Variants in CREB5 observed in about 807,000 individuals in gnomAD.
The protein encoded by CREB5 is cAMP responsive element binding protein 5, also known as cyclic AMP-responsive element-binding protein 5.
Under a neutral mutation model 57.1 loss-of-function variants are expected in CREB5, and 19 were observed. That is an observed-to-expected ratio of 0.33 (90% CI 0.23 to 0.49). The LOEUF (loss-of-function observed/expected upper bound fraction) is 0.49, where lower values mean the gene tolerates loss of function less well. Among genes scored for constraint, CREB5 ranks in the 20% least tolerant of loss-of-function variants. The pLI is 0.99. For missense variants in CREB5, 579 were observed against 671.6 expected (o/e 0.86, Z 1.52); for synonymous variants, 238 against 238.3 (o/e 1.00, Z 0.01).
chr7:28,497,744 T>C lies in CREB5; in HGVS notation c.169+2745T>C, dbSNP rs372359933. ...CATCCTGAATTATAATAGGCTATTG[T>C]GTTGGGTATTTTTACTTTGTTATTT... On this transcript the variant is annotated intron_variant, in intron 3 of 10. Coordinates refer to ENST00000357727, the MANE Select transcript of CREB5 (RefSeq NM_182898.4). 5.9e-5 allele frequency among the ~76,000 whole-genome samples: 9 copies of C among 152,298 alleles called. No homozygotes were observed. The East Asian group carries it at 1.7e-3, about 29-fold the overall frequency.
intron 1 of CREB5, among the ~76,000 whole-genome samples, chr7:28,438,842 T>C (rs1200404207): frequency 2.6e-5 from 4 of 152,208 alleles, no homozygotes; most frequent in Non-Finnish European, 5.9e-5. Context: ...TTACAACTAA[T>C]AAAATCGACC....
At chr7:28,592,602 G>A (rs1458258920) in intron 5 of CREB5, among the ~76,000 whole-genome samples, 4 of 152,132 alleles carry the variant, frequency 2.6e-5, no homozygotes, top group Non-Finnish European at 5.9e-5. Context: ...GGGCAGAGGC[G>A]CAGCACTAAG....
chr7:28,672,184 A>ACACACACAC (rs1439926301), intron 5 of CREB5, among the ~76,000 whole-genome samples: 70 of 139,214 alleles, frequency 5.0e-4, no homozygotes, highest in South Asian at 8.8e-4. Context: ...GGAAAAAAAA[A>ACACACACAC]AAAAACACAC....
intron 7 of CREB5, among the ~76,000 whole-genome samples, chr7:28,789,124 A>G (rs1807510019): frequency 6.6e-6 from 1 of 152,212 alleles, no homozygotes; most frequent in Admixed American, 6.5e-5. Flanking sequence ...TCCTGACAAG[A>G]TAATTTTCTC....
intron 1 of CREB5, among the ~76,000 whole-genome samples, chr7:28,375,285 CA>C (rs1299978311): frequency 9.2e-5 from 14 of 152,114 alleles, no homozygotes; most frequent in African/African-American, 3.4e-4. Flanking sequence ...TGCACGTTCT[CA>C]CTTATTTGTG....
At chr7:28,656,534 T>A (rs1462166189) in intron 5 of CREB5, among the ~76,000 whole-genome samples, 1 of 152,206 alleles carries the variant, frequency 6.6e-6, no homozygotes, top group Non-Finnish European at 1.5e-5. Context: ...GCATCGTGTA[T>A]AAATGATCCA....
intron 1 of CREB5, among the ~76,000 whole-genome samples, chr7:28,351,225 G>A (rs1786178984): frequency 6.6e-6 from 1 of 152,118 alleles, no homozygotes; most frequent in Admixed American, 6.5e-5. Flanking sequence ...TTCTGGAATA[G>A]CTTCCATTCC....
intron 4 of CREB5, among the ~76,000 whole-genome samples, chr7:28,529,319 G>A (rs1250004180): frequency 6.7e-6 from 1 of 150,340 alleles, no homozygotes; most frequent in Non-Finnish European, 1.5e-5. Context: ...GTGCCAAGGT[G>A]GGAAGCACTT....
chr7:28,509,704 ATAAT>A (rs1792622206), intron 4 of CREB5, among the ~76,000 whole-genome samples: 1 of 152,242 alleles, frequency 6.6e-6, no homozygotes, highest in Non-Finnish European at 1.5e-5. Context: ...AAAAATTAAA[ATAAT>A]TAAGCAACCA....
At chr7:28,338,208 C>T (rs375605142) in intron 1 of CREB5, among the ~76,000 whole-genome samples, 12 of 152,202 alleles carry the variant, frequency 7.9e-5, no homozygotes, top group East Asian at 1.9e-4. Context: ...TTACTATTGC[C>T]GGTGACTTTA....
intron 1 of CREB5, among the ~76,000 whole-genome samples, chr7:28,416,698 C>T (rs762296354): frequency 2.6e-5 from 4 of 152,178 alleles, no homozygotes; most frequent in African/African-American, 4.8e-5. Flanking sequence ...GATCCTGTGT[C>T]GAAGGTGACT....
At chr7:28,600,835 A>T (rs1466580045) in intron 5 of CREB5, among the ~76,000 whole-genome samples, 3 of 152,126 alleles carry the variant, frequency 2.0e-5, no homozygotes, top group Non-Finnish European at 4.4e-5. Flanking sequence ...TTCCTAGAGG[A>T]GTTGTGGGAC....
chr7:28,655,066 C>A (rs1180413056), intron 5 of CREB5, among the ~76,000 whole-genome samples: 1 of 151,980 alleles, frequency 6.6e-6, no homozygotes, highest in Non-Finnish European at 1.5e-5. Context: ...CTATGCTTGG[C>A]TAATTTTTGT....
At chr7:28,572,916 A>G (rs1262186244) in intron 5 of CREB5, among the ~76,000 whole-genome samples, 1 of 152,126 alleles carries the variant, frequency 6.6e-6, no homozygotes, top group Non-Finnish European at 1.5e-5. Context: ...GTTCTAGGAG[A>G]TAATTGTCAC....
At chr7:28,471,554 G>A (rs1790808675) in intron 1 of CREB5, among the ~76,000 whole-genome samples, 1 of 152,018 alleles carries the variant, frequency 6.6e-6, no homozygotes, top group Non-Finnish European at 1.5e-5. Flanking sequence ...ACAGAGCTGG[G>A]GCTTACTGGG....
At chr7:28,717,745 T>C (rs1226120869) in intron 5 of CREB5, among the ~76,000 whole-genome samples, 1 of 152,238 alleles carries the variant, frequency 6.6e-6, no homozygotes, top group Non-Finnish European at 1.5e-5. Flanking sequence ...AGGAGAAGGT[T>C]GTTTAACATG....
chr7:28,547,678 C>A (rs1319338952), intron 4 of CREB5, among the ~76,000 whole-genome samples: 1 of 152,220 alleles, frequency 6.6e-6, no homozygotes, highest in Non-Finnish European at 1.5e-5. Context: ...GCTAAGTTGG[C>A]TCATAAAATT....
At chr7:28,699,412 A>T (rs1441424026) in intron 5 of CREB5, among the ~76,000 whole-genome samples, 1 of 152,180 alleles carries the variant, frequency 6.6e-6, no homozygotes, top group Non-Finnish European at 1.5e-5. Flanking sequence ...TCTATTTATT[A>T]TCTTGTTAGG....
chr7:28,398,752 C>T (rs1787388030), intron 1 of CREB5, among the ~76,000 whole-genome samples: 1 of 152,212 alleles, frequency 6.6e-6, no homozygotes, highest in Admixed American at 6.5e-5. Context: ...TGCTCTGTTG[C>T]CCAGGCTGGA....
Sources: gnomAD v4.1 joint callset for allele counts (sites outside exome capture counted in the v4.1 genomes callset) on GRCh38, gnomAD v4.1.1 for gene constraint, MANE v1.5 for transcripts, NCBI Gene and HGNC (gene_info 2026-07-23, HGNC 2026-07-21) for gene names.